SHISA5: variants seen among roughly 807,000 people sequenced by gnomAD.
SHISA5 encodes the protein shisa family member 5.
SHISA5 carries 21 observed loss-of-function variants against 27.5 expected under a neutral mutation model. That is an observed-to-expected ratio of 0.76 (90% CI 0.54 to 1.10). The LOEUF (loss-of-function observed/expected upper bound fraction) is 1.10. Among genes scored for constraint, SHISA5 ranks in the 50% least tolerant of loss-of-function variants. The pLI, the probability that SHISA5 is intolerant of heterozygous loss-of-function variation, is 0.00. For synonymous variants in SHISA5, 137 were observed against 142.2 expected (o/e 0.96, Z 0.26); for missense variants, 314 against 336.3 (o/e 0.93, Z 0.52).
In SHISA5 at chr3:48,488,774, G is replaced by A. The variant is rs1266243460; in HGVS notation, c.234-9517C>T. ...CTTGAACCCGGGAGGTGGAGGTTGC[G>A]GTGAGCTGAGCTCATGCCATTGCAC... On this transcript the variant is annotated intron_variant, in intron 2 of 5. Coordinates refer to ENST00000296444, the MANE Select transcript of SHISA5 (RefSeq NM_016479.6). 4.7e-5 allele frequency among the ~76,000 whole-genome samples: 7 copies of A among 150,220 alleles called. No homozygotes were observed. The East Asian group carries it at 5.9e-4, about 13-fold the overall frequency.
chr3:48,486,601 T>C (rs1357974431), intron 2 of SHISA5, among the ~76,000 whole-genome samples: 2 of 132,958 alleles, frequency 1.5e-5, no homozygotes, highest in African/African-American at 5.7e-5. Context: ...ATATAGATTA[T>C]ATATATATTA....
intron 2 of SHISA5, among the ~76,000 whole-genome samples, chr3:48,495,821 A>G (rs1053947675): frequency 1.4e-5 from 2 of 147,400 alleles, no homozygotes; most frequent in Admixed American, 6.6e-5. Flanking sequence ...ACACCCAAAC[A>G]GTTTTCCACA....
At position 48,504,086 on chromosome 3, in the gene SHISA5, C is replaced by T. The variant is rs2041832862; in HGVS notation, c.9G>A (p.Ala3=). ...ACAGGATCCGCGGCGCGGGGACCGG[C>T]GCAGTCATGGCTGGGCGGGCGGACG... The part of the protein sequence containing the change: MT[A]PVPAPRILLP... Residue 3 remains alanine (A), a synonymous_variant, in exon 1 of 6, where the codon GCG becomes GCA. Coordinates refer to ENST00000296444, the MANE Select transcript of SHISA5 (RefSeq NM_016479.6). The surrounding 1 kb of genome is among the most constrained non-coding windows in gnomAD (Gnocchi z 4.0). 2.2e-6 allele frequency: 3 copies of T among 1,375,916 alleles called. No homozygotes were observed. Among genetic ancestry groups the T allele is most frequent in the Non-Finnish European group, 2.8e-6 (3 of 1,054,060 alleles). The allele number at this position is 1,375,916 out of a possible 1,614,324, so 85.2% of individuals were successfully genotyped here.
chr3:48,476,987 C>T (rs954918951), intron 3 of SHISA5: 2 of 422,592 alleles, frequency 4.7e-6, no homozygotes, highest in African/African-American at 2.1e-5. Flanking sequence ...CTGAGCTGGC[C>T]CCAGTCACCT....
Position 48,501,267 on chromosome 3 carries a change from G to A in SHISA5, c.103C>T (p.Arg35Cys), listed in dbSNP as rs200897757. 100 of 1,613,944 alleles carry A rather than the reference G, an allele frequency of 6.2e-5. No homozygotes were observed. The highest frequency in any genetic ancestry group is 1.5e-4 in the Admixed American group (9 of 59,976). Residue 35 changes from arginine (R) to cysteine (C), a missense_variant, in exon 2 of 6, where the codon CGT (arginine) becomes TGT (cysteine). By Grantham distance (180) the Arg-to-Cys change is radical. Coordinates refer to ENST00000296444, the MANE Select transcript of SHISA5 (RefSeq NM_016479.6). Reference protein sequence around the residue: ...GARGEVCMASRGLSLFPESCP... With the variant: ...GARGEVCMASCGLSLFPESCP... ...GACTCGGGGAAGAGGCTGAGTCCAC[G>A]GGAAGCCATACACACCTCACCACGT...
At chr3:48,493,055 G>A (rs1385006428) in intron 2 of SHISA5, among the ~76,000 whole-genome samples, 1 of 147,544 alleles carries the variant, frequency 6.8e-6, no homozygotes, top group African/African-American at 2.7e-5. Context: ...TTTCACTAAG[G>A]ATATGCTGGG....
chr3:48,486,598 T>TTA (rs1471086004), intron 2 of SHISA5, among the ~76,000 whole-genome samples: 1 of 132,234 alleles, frequency 7.6e-6, no homozygotes, highest in Non-Finnish European at 1.6e-5. Flanking sequence ...TATATATAGA[T>TTA]TATATATATA....
At chr3:48,472,051 C>T (rs994801517) in intron 3 of SHISA5, among the ~76,000 whole-genome samples, 4 of 151,172 alleles carry the variant, frequency 2.6e-5, no homozygotes, top group Admixed American at 6.6e-5. Context: ...GGCGTAGTGG[C>T]GCAAAACTGT....
chr3:48,500,817 C>T (rs2041731359), intron 2 of SHISA5, among the ~76,000 whole-genome samples: 1 of 152,172 alleles, frequency 6.6e-6, no homozygotes, highest in Non-Finnish European at 1.5e-5. Flanking sequence ...AGTACCCACC[C>T]TGAGGACATC....
chr3:48,471,805 G>C (rs954314230), intron 3 of SHISA5, among the ~76,000 whole-genome samples: 1 of 152,010 alleles, frequency 6.6e-6, no homozygotes, highest in African/African-American at 2.4e-5. Context: ...TTGAACCCAA[G>C]GAGGCAGAGA....
At chr3:48,503,278 G>A (rs146529988) in intron 1 of SHISA5, 12 of 832,460 alleles carry the variant, frequency 1.4e-5, no homozygotes, top group East Asian at 1.3e-4. Flanking sequence ...ATCAGTGACC[G>A]ACCCTCCTAC....
chr3:48,473,385 C>A lies in SHISA5; in HGVS notation c.315-3542G>T. On this transcript the variant is annotated intron_variant, in intron 3 of 5. Coordinates refer to ENST00000296444, the MANE Select transcript of SHISA5 (RefSeq NM_016479.6). This position sits in a 1 kb window ranked among gnomAD's most constrained non-coding sequence, Gnocchi z 4.3. The stretch of plus-strand genomic sequence containing the variant: ...CCACCCCAGCCTCAGTGGGCCCCAA[C>A]CACACTCTAGCTCAGCAGCACCCCC... 2 of 1,330,820 alleles carry A rather than the reference C, an allele frequency of 1.5e-6. No individual in the cohort carries two copies. Among genetic ancestry groups the A allele is most frequent in the Non-Finnish European group, 2.0e-6 (2 of 1,016,488 alleles). The allele number at this position is 1,330,820 out of a possible 1,614,324, so 82.4% of individuals were successfully genotyped here.
At position 48,468,413 on chromosome 3, in the gene SHISA5, G is replaced by C; in HGVS notation, c.*694C>G. The C allele has an allele frequency of 9.0e-7, 1 of 1,115,182 alleles. No homozygotes were observed. Among genetic ancestry groups the C allele is most frequent in the Non-Finnish European group, 1.1e-6 (1 of 904,780 alleles). 69.1% of individuals were successfully genotyped at this position (1,115,182 alleles called of 1,614,324 possible). A position where few individuals can be genotyped will look rare whatever the true frequency, so the allele number is the denominator to read the frequency against. ...TGTGGCCCTCCAGCTGGTCCCAGGG[G>C]AGATGCGGGGACAGGGGACAGTCCA... On this transcript the variant is annotated 3_prime_UTR_variant, in exon 6 of 6. Coordinates refer to ENST00000296444, the MANE Select transcript of SHISA5 (RefSeq NM_016479.6).
intron 3 of SHISA5, chr3:48,477,162 T>A: frequency 2.4e-6 from 1 of 424,038 alleles, no homozygotes; most frequent in South Asian, 1.7e-5. Context: ...AACTCCTTTT[T>A]TTTGTTGTTG....
At chr3:48,491,461 C>G (rs2041424255) in intron 2 of SHISA5, among the ~76,000 whole-genome samples, 1 of 152,026 alleles carries the variant, frequency 6.6e-6, no homozygotes, top group Non-Finnish European at 1.5e-5. Flanking sequence ...TGTCTCATGC[C>G]TCTCTAAAAT....
At chr3:48,490,161 C>T (rs2041379956) in intron 2 of SHISA5, among the ~76,000 whole-genome samples, 1 of 152,146 alleles carries the variant, frequency 6.6e-6, no homozygotes, top group Admixed American at 6.5e-5. Flanking sequence ...ACAACCTCCA[C>T]CTCCTGGGTT....
chr3:48,468,363 T>A lies in SHISA5; in HGVS notation c.*744A>T, dbSNP rs2040436025. 9.4e-7 allele frequency: 1 copy of A among 1,061,152 alleles called. No homozygotes were observed. The allele number at this position is 1,061,152 out of a possible 1,614,324, so 65.7% of individuals were successfully genotyped here. A position where few individuals can be genotyped will look rare whatever the true frequency, so the allele number is the denominator to read the frequency against. ...GGCCAGCAAGGGCAGCAGAGCTCCCTGGGGGCAGCTAGGCTGTGTGTGCAT... is the reference window on the plus strand; with the variant it reads ...GGCCAGCAAGGGCAGCAGAGCTCCCAGGGGGCAGCTAGGCTGTGTGTGCAT... On this transcript the variant is annotated 3_prime_UTR_variant, in exon 6 of 6. Transcript: ENST00000296444.
chr3:48,470,218 G>A lies in SHISA5; in HGVS notation c.315-375C>T, dbSNP rs180948795. ...GATTTGAGTCAAAAAACTTAACAGT[G>A]GGCAAGACAGCCAGCCCTGGCCTCT... On this transcript the variant is annotated intron_variant, in intron 3 of 5. Transcript: ENST00000296444. This position sits in a 1 kb window ranked among gnomAD's most constrained non-coding sequence, Gnocchi z 4.3. Among the ~76,000 whole-genome samples the A allele has an allele frequency of 6.6e-6, 1 of 152,358 alleles. No homozygotes were observed.
At chr3:48,493,520 ATTC>A (rs2041482983) in intron 2 of SHISA5, among the ~76,000 whole-genome samples, 1 of 86,620 alleles carries the variant, frequency 1.2e-5, no homozygotes, top group Non-Finnish European at 2.1e-5. Context: ...GCCATGATCT[ATTC>A]TTTTTTTTTT....
Sources: allele counts gnomAD v4.1 joint callset (sites outside exome capture counted in the v4.1 genomes callset), GRCh38; gene constraint gnomAD v4.1.1; non-coding constraint Gnocchi (gnomAD v3.1); transcripts MANE v1.5; gene names NCBI Gene and HGNC (gene_info 2026-07-23, HGNC 2026-07-21).